AP2S1: variants seen among roughly 807,000 people sequenced by gnomAD.
The protein encoded by AP2S1 is AP-2 complex subunit sigma.
A neutral mutation model predicts 21.0 loss-of-function variants in AP2S1; 6 were observed. The observed-to-expected ratio is 0.29, with a 90% CI of 0.16 to 0.56. The LOEUF (loss-of-function observed/expected upper bound fraction) is 0.56. AP2S1 is among the 20% of genes least tolerant of loss of function. The pLI, the probability that AP2S1 is intolerant of heterozygous loss-of-function variation, is 0.92. For missense variants in AP2S1, 60 were observed against 186.2 expected, an observed-to-expected ratio of 0.32 and a Z score of 3.95; for synonymous variants, 63 against 74.6, an observed-to-expected ratio of 0.84 and a Z score of 0.80.
intron 3 of AP2S1, 40 bp downstream of exon 3, chr19:46,839,425 C>CA: frequency 3.1e-6 from 2 of 643,266 alleles, no homozygotes; most frequent in Non-Finnish European, 5.7e-6. Context: ...TCCAGGGCTG[C>CA]CCACCCGCCT....
At position 46,839,466 on chromosome 19, in the gene AP2S1, T is replaced by G; in HGVS notation, c.266A>C (p.Glu89Ala). 1 of 1,141,256 alleles carries G rather than the reference T, an allele frequency of 8.8e-7. No individual in the cohort carries two copies. Among genetic ancestry groups the G allele is most frequent in the Non-Finnish European group, 1.2e-6 (1 of 845,768 alleles). The allele number at this position is 1,141,256 out of a possible 1,614,324, so 70.7% of individuals were successfully genotyped here. ...CCTTACATCCCTCTCCCGCCGTACC[T>G]CCACGAAGTTGTGAATGGCCTCCAG... Reference protein sequence around the residue: ...AYLEAIHNFVEVLNEYFHNVC... With the variant: ...AYLEAIHNFVAVLNEYFHNVC... The change falls in exon 3 of 5, where the codon GAG becomes GCG. Residue 89 changes from glutamate (E) to alanine (A), a missense_variant and splice_region_variant. Transcript: ENST00000263270.
In AP2S1 at chr19:46,846,156, G is replaced by A. The variant is rs2055628781; in HGVS notation, c.4-14C>T. The A allele has an allele frequency of 1.9e-6, 3 of 1,612,750 alleles. No individual in the cohort carries two copies. Among genetic ancestry groups the A allele is most frequent in the South Asian group, 1.1e-5 (1 of 91,060 alleles). The stretch of plus-strand genomic sequence containing the variant: ...GATAAAGCGGATCTGGGGGCAGCAG[G>A]AGGAGAAGGAGGAAGTGAGAGAGGC... On this transcript the variant is annotated splice_polypyrimidine_tract_variant and intron_variant, in intron 1 of 4. Transcript: ENST00000263270.
At position 46,850,797 on chromosome 19, in the gene AP2S1, G is replaced by T; in HGVS notation, c.-31C>A. 6.4e-7 allele frequency: 1 copy of T among 1,553,202 alleles called. No homozygotes were observed. The highest frequency in any genetic ancestry group is 8.7e-7 in the Non-Finnish European group (1 of 1,149,646). ...CCCCCGTCCAGACCCCAGCGGCCCC[G>T]GTCCCGCGGCGACTGGGCAGCTCCG... On this transcript the variant is annotated 5_prime_UTR_variant, in exon 1 of 5. Coordinates refer to ENST00000263270, the MANE Select transcript of AP2S1 (RefSeq NM_004069.6).
rs758527590 is a variant in AP2S1 at position 46,838,693 on chromosome 19, G to A, written c.327+47C>T. 3.4e-5 allele frequency: 54 copies of A among 1,603,528 alleles called. No individual in the cohort carries two copies. Among genetic ancestry groups the A allele is most frequent in the Middle Eastern group, 1.7e-4 (1 of 6,040 alleles). ...GGCTAGTGCACCACGGGTCCCCCCC[G>A]TCCCCCTCCTCTGGCTCCTTCAGCC... On this transcript the variant is annotated intron_variant, in intron 4 of 4. Transcript: ENST00000263270. The surrounding 1 kb of genome is among the most constrained non-coding windows in gnomAD (Gnocchi z 4.1).
At chr19:46,842,088 G>A (rs1414498561) in intron 2 of AP2S1, among the ~76,000 whole-genome samples, 1 of 152,126 alleles carries the variant, frequency 6.6e-6, no homozygotes, top group Non-Finnish European at 1.5e-5. Context: ...GTCTGAGGTG[G>A]GAGGATCCCT....
chr19:46,844,229 C>T (rs190368738), intron 2 of AP2S1, among the ~76,000 whole-genome samples: 91 of 152,202 alleles, frequency 6.0e-4, no homozygotes, highest in African/African-American at 2.0e-3. Flanking sequence ...CTACGGCTCC[C>T]ATCTGACTCA....
Position 46,838,701 on chromosome 19 carries a change from C to A in AP2S1, c.327+39G>T. 1.2e-6 allele frequency: 2 copies of A among 1,609,718 alleles called. No homozygotes were observed. Among genetic ancestry groups the A allele is most frequent in the Non-Finnish European group, 1.7e-6 (2 of 1,176,374 alleles). On this transcript the variant is annotated intron_variant, in intron 4 of 4. Transcript: ENST00000263270. The surrounding 1 kb of genome is among the most constrained non-coding windows in gnomAD (Gnocchi z 4.1). ...CACCACGGGTCCCCCCCGTCCCCCT[C>A]CTCTGGCTCCTTCAGCCTCCTCTTC...
intron 2 of AP2S1, among the ~76,000 whole-genome samples, chr19:46,841,446 AC>A (rs2055519397): frequency 1.3e-5 from 2 of 151,758 alleles, no homozygotes; most frequent in African/African-American, 4.8e-5. Context: ...TCTGCTGCAG[AC>A]CCCCATCTCT....
intron 1 of AP2S1, 132 bp downstream of exon 1, chr19:46,850,632 C>A: frequency 2.2e-6 from 2 of 895,642 alleles, no homozygotes; most frequent in Non-Finnish European, 3.5e-6. Flanking sequence ...GGATCGGTCC[C>A]AATCCCCAGA....
intron 1 of AP2S1, among the ~76,000 whole-genome samples, chr19:46,846,441 G>GTTTTTTTTTT (rs1229404009): frequency 3.8e-5 from 4 of 104,658 alleles, no homozygotes; most frequent in African/African-American, 1.3e-4. Flanking sequence ...ATCTCTCTCT[G>GTTTTTTTTTT]TTTTTTTTTT....
At chr19:46,847,235 C>CT (rs755228711) in intron 1 of AP2S1, among the ~76,000 whole-genome samples, 4,181 of 141,796 alleles carry the variant, frequency 0.029, 187 homozygotes, top group African/African-American at 0.092. Context: ...AAAATCACCA[C>CT]TTTTTTTTTT....
At chr19:46,850,337 C>A in intron 1 of AP2S1, 1 of 1,242,982 alleles carries the variant, frequency 8.0e-7, no homozygotes. Flanking sequence ...AAGAAAACCT[C>A]CCTCCCCTTT....
chr19:46,846,290 C>T lies in AP2S1; in HGVS notation c.4-148G>A, dbSNP rs1568448786. 4.9e-6 allele frequency: 5 copies of T among 1,017,434 alleles called. No homozygotes were observed. In the African/African-American group the frequency reaches 8.1e-5, roughly 16 times the overall value. The allele number at this position is 1,017,434 out of a possible 1,614,324, so 63.0% of individuals were successfully genotyped here. A position where few individuals can be genotyped will look rare whatever the true frequency, so the allele number is the denominator to read the frequency against. On this transcript the variant is annotated intron_variant, in intron 1 of 4. Transcript: ENST00000263270. ...ACTTCCAGGGGTCTCGGCTGCTCCC[C>T]AGACCCAAGCCAGGCCGGCCTGGCC...
chr19:46,840,259 G>A (rs1485476036), intron 2 of AP2S1, among the ~76,000 whole-genome samples: 1 of 149,724 alleles, frequency 6.7e-6, no homozygotes, highest in Non-Finnish European at 1.5e-5. Context: ...CGCGTGTTAA[G>A]TAGACAAAGA....
intron 3 of AP2S1, 31 bp downstream of exon 3, chr19:46,839,434 C>A: frequency 6.6e-6 from 10 of 1,508,194 alleles, no homozygotes; most frequent in South Asian, 1.1e-5. Flanking sequence ...GCCCACCCGC[C>A]TCCCCACCTT....
chr19:46,840,591 G>A (rs540264377), intron 2 of AP2S1, among the ~76,000 whole-genome samples: 125 of 151,936 alleles, frequency 8.2e-4, no homozygotes, highest in African/African-American at 2.3e-3. Flanking sequence ...TGTGAGCCAC[G>A]TTCCCATCAC....
chr19:46,845,627 A>C, intron 2 of AP2S1: 1 of 172,170 alleles, frequency 5.8e-6, no homozygotes, highest in Non-Finnish European at 1.3e-5. Context: ...GGAAGTTTGA[A>C]AAACGCACCA....
chr19:46,839,488 C>G lies in AP2S1; in HGVS notation c.244G>C (p.Glu82Gln). 1 of 1,607,818 alleles carries G rather than the reference C, an allele frequency of 6.2e-7. No homozygotes were observed. The highest frequency in any genetic ancestry group is 8.5e-7 in the Non-Finnish European group (1 of 1,176,180). ...ACCTCCACGAAGTTGTGAATGGCCTCCAGGTAAGCCAGGTTGTTGTCATTG... is the reference window on the plus strand; with the variant it reads ...ACCTCCACGAAGTTGTGAATGGCCTGCAGGTAAGCCAGGTTGTTGTCATTG... ...DVNDNNLAYLEAIHNFVEVLN... is the reference protein window; with the variant it reads ...DVNDNNLAYLQAIHNFVEVLN... The change falls in exon 3 of 5, where the codon GAG becomes CAG. Residue 82 changes from glutamate to glutamine, a missense_variant. Coordinates refer to ENST00000263270, the MANE Select transcript of AP2S1 (RefSeq NM_004069.6).
chr19:46,847,491 A>G (rs531496839), intron 1 of AP2S1, among the ~76,000 whole-genome samples: 4 of 152,178 alleles, frequency 2.6e-5, no homozygotes, highest in African/African-American at 9.6e-5. Context: ...GTGCTGCATC[A>G]GGCGTGAGCC....
Sources: allele counts gnomAD v4.1 joint callset (sites outside exome capture counted in the v4.1 genomes callset), GRCh38; gene constraint gnomAD v4.1.1; non-coding constraint Gnocchi (gnomAD v3.1); transcripts MANE v1.5; gene names NCBI Gene and HGNC (gene_info 2026-07-23, HGNC 2026-07-21).